The following HS3ST4 variants were observed in gnomAD, a reference collection of about 807,000 sequenced individuals.
HS3ST4 encodes the protein heparan sulfate glucosamine 3-O-sulfotransferase 4.
A neutral mutation model predicts 29.2 loss-of-function variants in HS3ST4; 17 were observed. The ratio of observed to expected loss-of-function variants is 0.58; its 90% CI spans 0.40 to 0.87. The LOEUF (loss-of-function observed/expected upper bound fraction) is 0.87. HS3ST4 is among the 40% of genes least tolerant of loss of function. The pLI, the probability that HS3ST4 is intolerant of heterozygous loss-of-function variation, is 0.00. For synonymous variants in HS3ST4, 314 were observed against 285.7 expected, an observed-to-expected ratio of 1.10 and a Z score of -1.00; for missense variants, 627 against 634.5, an observed-to-expected ratio of 0.99 and a Z score of 0.13.
At chr16:25,712,955 A>G (rs959918590) in intron 1 of HS3ST4, among the ~76,000 whole-genome samples, 2 of 152,316 alleles carry the variant, frequency 1.3e-5, no homozygotes, top group Admixed American at 1.3e-4. Context: ...CTGTGTCTTC[A>G]CATGGTCTTC....
At chr16:25,883,154 T>C (rs967205209) in intron 1 of HS3ST4, among the ~76,000 whole-genome samples, 10 of 142,978 alleles carry the variant, frequency 7.0e-5, no homozygotes, top group African/African-American at 2.7e-4. Flanking sequence ...GATTTTTTTT[T>C]TTTTTTTTTT....
intron 1 of HS3ST4, among the ~76,000 whole-genome samples, chr16:25,764,185 T>C (rs1966804567): frequency 6.6e-6 from 1 of 152,150 alleles, no homozygotes; most frequent in South Asian, 2.1e-4. Context: ...ATTGGGACAT[T>C]GCAGGGAGGT....
At chr16:25,808,958 C>G (rs1967015882) in intron 1 of HS3ST4, among the ~76,000 whole-genome samples, 1 of 152,108 alleles carries the variant, frequency 6.6e-6, no homozygotes, top group African/African-American at 2.4e-5. Flanking sequence ...ACCTTGTATG[C>G]TGCAACCTTG....
chr16:25,773,909 GC>G (rs1258017192), intron 1 of HS3ST4, among the ~76,000 whole-genome samples: 2 of 151,758 alleles, frequency 1.3e-5, no homozygotes, highest in African/African-American at 4.8e-5. Context: ...CTTTAAACCA[GC>G]CCCCCTAAAC....
At chr16:25,818,966 A>G (rs1244632942) in intron 1 of HS3ST4, among the ~76,000 whole-genome samples, 2 of 152,190 alleles carry the variant, frequency 1.3e-5, no homozygotes, top group Non-Finnish European at 2.9e-5. Context: ...CAAACTTGTC[A>G]GGCATATAAA....
At chr16:25,975,360 G>C (rs1256934411) in intron 1 of HS3ST4, among the ~76,000 whole-genome samples, 1 of 152,016 alleles carries the variant, frequency 6.6e-6, no homozygotes, top group African/African-American at 2.4e-5. Flanking sequence ...CTGACTACCT[G>C]GGTAGCAGGA....
At chr16:26,103,451 G>T (rs1042417373) in intron 1 of HS3ST4, among the ~76,000 whole-genome samples, 1 of 152,114 alleles carries the variant, frequency 6.6e-6, no homozygotes, top group African/African-American at 2.4e-5. Flanking sequence ...CAAGAAAGCC[G>T]TTAACAGATA....
chr16:25,999,058 CTCT>C (rs956340967), intron 1 of HS3ST4, among the ~76,000 whole-genome samples: 1 of 151,974 alleles, frequency 6.6e-6, no homozygotes, highest in South Asian at 2.1e-4. Flanking sequence ...TGTAAAATAT[CTCT>C]TCTTCTGTCA....
chr16:25,751,211 T>G (rs1324316391), intron 1 of HS3ST4, among the ~76,000 whole-genome samples: 2 of 152,178 alleles, frequency 1.3e-5, no homozygotes, highest in Non-Finnish European at 2.9e-5. Flanking sequence ...ACACAACTCC[T>G]TTTGCCTTTT....
chr16:25,941,138 CTGTTTTTTTGTTTTGTTT>C (rs1352848999), intron 1 of HS3ST4, among the ~76,000 whole-genome samples: 1 of 152,082 alleles, frequency 6.6e-6, no homozygotes. Flanking sequence ...ACCCAATACC[CTGTTTTTTTGTTTTGTTT>C]TGTTTTTTTG....
intron 1 of HS3ST4, among the ~76,000 whole-genome samples, chr16:26,110,898 G>A (rs960976626): frequency 2.6e-5 from 4 of 152,146 alleles, no homozygotes; most frequent in Admixed American, 6.5e-5. Flanking sequence ...TCCTATCTCA[G>A]AATCTTTTCA....
intron 1 of HS3ST4, among the ~76,000 whole-genome samples, chr16:25,920,608 C>CTT (rs765957650): frequency 7.5e-6 from 1 of 133,858 alleles, no homozygotes. Flanking sequence ...CCCCACCCCT[C>CTT]TTTTTTTTTT....
rs1898288650 is a variant in HS3ST4, at chr16:26,136,733, G to A, written c.*485G>A. ...TGCACTTTGTGGCTGAGTGCTCCAG[G>A]ACTCCTAGGGAGCAAGGTCCTCCCT... is the stretch of plus-strand genomic sequence containing the variant. On this transcript the variant is annotated 3_prime_UTR_variant, in exon 2 of 2. Coordinates refer to ENST00000331351, the MANE Select transcript of HS3ST4 (RefSeq NM_006040.3). 6.1e-6 allele frequency: 1 copy of A among 164,788 alleles called. No homozygotes were observed. Among genetic ancestry groups the A allele is most frequent in the African/African-American group, 2.4e-5 (1 of 41,482 alleles). The allele number at this position is 164,788 out of a possible 1,614,324, so 10.2% of individuals were successfully genotyped here. A position where few individuals can be genotyped will look rare whatever the true frequency, so the allele number is the denominator to read the frequency against.
intron 1 of HS3ST4, among the ~76,000 whole-genome samples, chr16:25,876,958 A>C (rs149592827): frequency 7.9e-4 from 120 of 152,244 alleles, no homozygotes; most frequent in African/African-American, 2.6e-3. Context: ...TCACCAGAAG[A>C]AAAACTGTGT....
chr16:25,761,251 C>G (rs4787761), intron 1 of HS3ST4, among the ~76,000 whole-genome samples: 34,463 of 152,046 alleles, frequency 0.23, 4,448 homozygotes, highest in East Asian at 0.55. Flanking sequence ...ATCCAATTCA[C>G]GGGGCTCTGG....
intron 1 of HS3ST4, among the ~76,000 whole-genome samples, chr16:25,713,054 TTTA>T (rs377691669): frequency 7.9e-6 from 1 of 126,726 alleles, no homozygotes; most frequent in Non-Finnish European, 1.8e-5. Flanking sequence ...TTTTTTAATT[TTTA>T]TTTATTTATT....
intron 1 of HS3ST4, among the ~76,000 whole-genome samples, chr16:25,986,787 C>T (rs767003948): frequency 5.3e-5 from 8 of 152,196 alleles, no homozygotes; most frequent in Non-Finnish European, 7.3e-5. Context: ...GGCATGGTGG[C>T]GCTTGACTCT....
chr16:25,779,475 C>T (rs1398609208), intron 1 of HS3ST4, among the ~76,000 whole-genome samples: 1 of 152,196 alleles, frequency 6.6e-6, no homozygotes, highest in Non-Finnish European at 1.5e-5. Flanking sequence ...TTCGTTTGCT[C>T]ATTTATTCAT....
At chr16:25,990,271 TCAAA>T (rs1969102982) in intron 1 of HS3ST4, among the ~76,000 whole-genome samples, 1 of 152,208 alleles carries the variant, frequency 6.6e-6, no homozygotes, top group Non-Finnish European at 1.5e-5. Flanking sequence ...TGGGTATATA[TCAAA>T]CAGTGTGATT....
Sources: gnomAD v4.1 joint callset for allele counts (sites outside exome capture counted in the v4.1 genomes callset) on GRCh38, gnomAD v4.1.1 for gene constraint, MANE v1.5 for transcripts, NCBI Gene and HGNC (gene_info 2026-07-23, HGNC 2026-07-21) for gene names.